Variants in PDXDC1 observed in about 807,000 individuals in gnomAD.
PDXDC1 encodes pyridoxal-dependent decarboxylase domain-containing protein 1.
PDXDC1 carries 42 observed loss-of-function variants against 100.1 expected under a neutral mutation model. The ratio of observed to expected loss-of-function variants is 0.42; its 90% CI spans 0.33 to 0.54. The LOEUF (loss-of-function observed/expected upper bound fraction) is 0.54, where lower values mean the gene tolerates loss of function less well. PDXDC1 is among the 20% of genes least tolerant of loss of function. PDXDC1 has a pLI of 0.10. For missense variants in PDXDC1, 636 were observed against 979.2 expected, an observed-to-expected ratio of 0.65 and a Z score of 4.68; for synonymous variants, 260 against 371.7, an observed-to-expected ratio of 0.70 and a Z score of 3.46.
intron 15 of PDXDC1, chr16:15,029,409 A>G (rs2042885207): frequency 2.4e-6 from 1 of 415,404 alleles, no homozygotes; most frequent in East Asian, 6.4e-5. Flanking sequence ...ACAGTGTGGG[A>G]TGGCGGCAGC....
intron 16 of PDXDC1, chr16:15,055,973 G>C (rs2044498298): frequency 8.2e-7 from 1 of 1,221,498 alleles, no homozygotes; most frequent in Non-Finnish European, 1.0e-6. Context: ...CAGCGGCATC[G>C]CGGAGGCGGC....
At chr16:14,977,649 T>C (rs536449411) in intron 1 of PDXDC1, among the ~76,000 whole-genome samples, 5 of 152,406 alleles carry the variant, frequency 3.3e-5, no homozygotes, top group South Asian at 2.1e-4. Flanking sequence ...TTGGTGCTAA[T>C]TGGGCAGAAA....
Position 15,128,152 on chromosome 16 carries a change from G to C in PDXDC1, c.1400-10727G>C. ...GGCTGAGCCCTGCAGAGGCGCGGGA[G>C]GGAGGTCAGGCTCGCAGGGCGCCCC... On this transcript the variant is annotated intron_variant, in intron 16 of 16. Transcript: ENST00000535621. The C allele has an allele frequency of 1.2e-6, 2 of 1,609,786 alleles. 1 individual carries two copies. Among genetic ancestry groups the C allele is most frequent in the South Asian group, 2.2e-5 (2 of 90,960 alleles).
intron 12 of PDXDC1, among the ~76,000 whole-genome samples, chr16:15,021,813 G>A (rs1040620215): frequency 5.3e-5 from 8 of 152,276 alleles, no homozygotes; most frequent in Non-Finnish European, 1.0e-4. Context: ...ATCAGCATTC[G>A]CCTCCTCATC....
intron 16 of PDXDC1, chr16:15,094,353 TG>T: frequency 2.2e-6 from 2 of 915,646 alleles, no homozygotes; most frequent in East Asian, 2.7e-5. Context: ...CGGCCCCGCG[TG>T]GGGAGGGCGT....
downstream of PDXDC1, chr16:15,040,987 T>G: frequency 1.1e-6 from 1 of 938,408 alleles, no homozygotes; most frequent in Non-Finnish European, 1.8e-6. Context: ...CTGACAGCAG[T>G]GGGGTCATTG....
At chr16:14,978,678 A>G (rs574769893) in intron 1 of PDXDC1, among the ~76,000 whole-genome samples, 1 of 152,404 alleles carries the variant, frequency 6.6e-6, no homozygotes, top group Non-Finnish European at 1.5e-5. Flanking sequence ...TATAAGCGTG[A>G]GCCACCGTGC....
intron 16 of PDXDC1, among the ~76,000 whole-genome samples, chr16:15,074,148 T>C (rs964121028): frequency 3.3e-5 from 5 of 152,320 alleles, no homozygotes; most frequent in African/African-American, 1.2e-4. Context: ...AATTCTCTAA[T>C]CAACATGTAT....
At chr16:14,990,715 C>T (rs1273022425) in intron 1 of PDXDC1, among the ~76,000 whole-genome samples, 1 of 152,284 alleles carries the variant, frequency 6.6e-6, no homozygotes, top group East Asian at 1.9e-4. Flanking sequence ...CCTGGGCTTA[C>T]TCCCTGAAGA....
intron 16 of PDXDC1, chr16:15,085,675 C>A (rs773979584): frequency 6.2e-7 from 1 of 1,613,430 alleles, no homozygotes. Flanking sequence ...ACATCTACAT[C>A]GCCTTCCTTA....
chr16:14,975,528 G>A (rs1966686013), intron 1 of PDXDC1: 1 of 985,354 alleles, frequency 1.0e-6, no homozygotes, highest in African/African-American at 1.7e-5. Context: ...GCGAGTGGCC[G>A]GCCTGAGCTC....
At position 15,128,952 on chromosome 16, in the gene PDXDC1, C is replaced by G. The variant is rs1340361921; in HGVS notation, c.1400-9927C>G. Among the ~76,000 whole-genome samples, 4 of 149,642 alleles carry G rather than the reference C, an allele frequency of 2.7e-5. No homozygotes were observed. The East Asian group carries it at 8.2e-4, about 31-fold the overall frequency. ...TCCCGAGGAGCTGGGACTACAGGCGCCTGCCAACACGCCGGCCTAATTTTT... is the reference window on the plus strand; with the variant it reads ...TCCCGAGGAGCTGGGACTACAGGCGGCTGCCAACACGCCGGCCTAATTTTT... On this transcript the variant is annotated intron_variant, in intron 16 of 16. Coordinates refer to the PDXDC1 transcript ENST00000535621.
chr16:15,097,021 G>A (rs939546902), intron 16 of PDXDC1, among the ~76,000 whole-genome samples: 2 of 152,144 alleles, frequency 1.3e-5, no homozygotes, highest in African/African-American at 2.4e-5. Context: ...CAGAGCTTTG[G>A]GAGGCTGAGG....
In PDXDC1 at chr16:15,036,150, A is replaced by G; in HGVS notation, c.2242A>G (p.Ser748Gly). The change falls in exon 23 of 23, where the codon AGC (serine) becomes GGC (glycine). Residue 748 changes from serine (S) to glycine (G), a missense_variant. Physicochemically the swap from Ser to Gly is moderately conservative, Grantham distance 56. Coordinates refer to ENST00000396410, the MANE Select transcript of PDXDC1 (RefSeq NM_015027.4). ...GGAGCAGATCACCCTCGAGGCCAGC[A>G]GCACTGAGGGACACCCAGGGGCTCC... ...GPEQITLEAS[S>G]TEGHPGAPSP... 1 of 1,614,190 alleles carries G rather than the reference A, an allele frequency of 6.2e-7. No homozygotes were observed. The highest frequency in any genetic ancestry group is 8.5e-7 in the Non-Finnish European group (1 of 1,180,038).
chr16:15,040,261 A>T, downstream of PDXDC1: 2 of 438,556 alleles, frequency 4.6e-6, no homozygotes, highest in Admixed American at 8.5e-5. Context: ...AAAATCGCTG[A>T]GGCTCGAGCT....
chr16:14,994,498 T>C (rs1449575924), intron 1 of PDXDC1, among the ~76,000 whole-genome samples: 4 of 152,300 alleles, frequency 2.6e-5, no homozygotes, highest in African/African-American at 7.2e-5. Context: ...CATTGGTCTA[T>C]ATCTCTGTAT....
chr16:15,009,017 G>A (rs1476101395), intron 7 of PDXDC1, among the ~76,000 whole-genome samples, 170 bp downstream of exon 7: 1 of 152,286 alleles, frequency 6.6e-6, no homozygotes, highest in African/African-American at 2.4e-5. Flanking sequence ...GTCCATGAAG[G>A]TTGGTTGGTA....
chr16:15,038,788 C>T, downstream of PDXDC1: 1 of 645,260 alleles, frequency 1.5e-6, no homozygotes, highest in South Asian at 1.9e-5. Flanking sequence ...ATGCATTTAT[C>T]TGCCTAAGCT....
intron 12 of PDXDC1, among the ~76,000 whole-genome samples, chr16:15,021,042 G>T (rs1445621320): frequency 6.6e-6 from 1 of 152,174 alleles, no homozygotes; most frequent in East Asian, 1.9e-4. Flanking sequence ...TCTAGCAGTA[G>T]TCCCTTCGTT....
Sources: gnomAD v4.1 joint callset for allele counts (sites outside exome capture counted in the v4.1 genomes callset) on GRCh38, gnomAD v4.1.1 for gene constraint, MANE v1.5 for transcripts, NCBI Gene and HGNC (gene_info 2026-07-23, HGNC 2026-07-21) for gene names.